The following BMERB1 variants were observed in gnomAD, a reference collection of about 807,000 sequenced individuals.
The protein encoded by BMERB1 is bMERB domain containing 1.
BMERB1 carries 12 observed loss-of-function variants against 23.6 expected under a neutral mutation model. The observed-to-expected ratio is 0.51, with a 90% CI of 0.33 to 0.82. BMERB1 has a LOEUF of 0.82. Among genes scored for constraint, BMERB1 ranks in the 40% least tolerant of loss-of-function variants. The pLI, the probability that BMERB1 is intolerant of heterozygous loss-of-function variation, is 0.03. For synonymous variants in BMERB1, 122 were observed against 96.6 expected, an observed-to-expected ratio of 1.26 and a Z score of -1.54; for missense variants, 247 against 255.4, an observed-to-expected ratio of 0.97 and a Z score of 0.22.
chr16:15,527,330 C>T (rs1236928596), intron 2 of BMERB1, among the ~76,000 whole-genome samples: 20 of 152,216 alleles, frequency 1.3e-4, no homozygotes, highest in Admixed American at 1.0e-3. Context: ...TCAGGCCAGG[C>T]GCTGTGGCTC....
intron 1 of BMERB1, among the ~76,000 whole-genome samples, chr16:15,480,606 CTTTTTTTT>C (rs1159247360): frequency 3.4e-5 from 2 of 58,962 alleles, no homozygotes; most frequent in African/African-American, 6.6e-5. Context: ...ATTCCACTGT[CTTTTTTTT>C]TTTTTTTTTT....
intron 1 of BMERB1, among the ~76,000 whole-genome samples, chr16:15,446,260 A>G (rs1191132220): frequency 6.6e-6 from 1 of 151,986 alleles, no homozygotes; most frequent in African/African-American, 2.4e-5. Context: ...GCTGAGTGTG[A>G]TGATGTGCAC....
intron 1 of BMERB1, among the ~76,000 whole-genome samples, chr16:15,508,218 C>T (rs111563761): frequency 2.0e-5 from 3 of 152,158 alleles, no homozygotes; most frequent in African/African-American, 4.8e-5. Flanking sequence ...GATAAATGCT[C>T]GATAAATGTT....
intron 1 of BMERB1, chr16:15,502,492 G>C: frequency 1.1e-6 from 1 of 908,218 alleles, no homozygotes; most frequent in East Asian, 2.6e-5. Context: ...GGGAAACGGT[G>C]ACTCATTAAA....
Position 15,502,415 on chromosome 16 carries a change from C to T in BMERB1, c.107-12890C>T, listed in dbSNP as rs538856868. 7.4e-6 allele frequency: 11 copies of T among 1,489,930 alleles called. No homozygotes were observed. The Admixed American group carries it at 9.8e-5, about 13-fold the overall frequency. The allele number at this position is 1,489,930 out of a possible 1,614,324, so 92.3% of individuals were successfully genotyped here. On this transcript the variant is annotated intron_variant, in intron 1 of 5. Coordinates refer to ENST00000300006, the MANE Select transcript of BMERB1 (RefSeq NM_033201.3). ...TGGGGGCCCAGTGGCATCCTCTCCA[C>T]GAGGCAGGCTGGGAGAAATCGAGCA...
chr16:15,536,113 A>G (rs992738279), intron 2 of BMERB1, among the ~76,000 whole-genome samples: 2 of 152,208 alleles, frequency 1.3e-5, no homozygotes, highest in Non-Finnish European at 2.9e-5. Flanking sequence ...AAAAGTAGGC[A>G]GAAGAGGATG....
At chr16:15,582,164 C>G (rs1567507748) in intron 4 of BMERB1, among the ~76,000 whole-genome samples, 2 of 152,150 alleles carry the variant, frequency 1.3e-5, no homozygotes, top group African/African-American at 4.8e-5. Context: ...TCTGGGAGGC[C>G]AAGGTGGGTG....
At chr16:15,515,618 C>T (rs79644764) in intron 2 of BMERB1, among the ~76,000 whole-genome samples, 190 bp downstream of exon 2, 2,695 of 152,290 alleles carry the variant, frequency 0.018, 83 homozygotes, top group African/African-American at 0.062. Context: ...AAGCAAGACC[C>T]TGAAGTTGGA....
At chr16:15,536,312 C>G (rs1300452) in intron 2 of BMERB1, among the ~76,000 whole-genome samples, 2,739 of 152,186 alleles carry the variant, frequency 0.018, 46 homozygotes, top group Non-Finnish European at 0.032. Flanking sequence ...AGCCCCCCCG[C>G]CTCTGGATGC....
At chr16:15,537,766 T>G (rs2052039136) in intron 2 of BMERB1, among the ~76,000 whole-genome samples, 1 of 152,064 alleles carries the variant, frequency 6.6e-6, no homozygotes, top group Non-Finnish European at 1.5e-5. Context: ...CCAGTGATCT[T>G]CCTGCCTCAG....
intron 1 of BMERB1, among the ~76,000 whole-genome samples, chr16:15,474,744 A>G (rs1598459299): frequency 6.6e-6 from 1 of 151,988 alleles, no homozygotes; most frequent in Admixed American, 6.6e-5. Context: ...GCTGGAGTGC[A>G]ATGGTATGAT....
chr16:15,504,949 C>G (rs569892567), intron 1 of BMERB1, among the ~76,000 whole-genome samples: 1 of 152,108 alleles, frequency 6.6e-6, no homozygotes, highest in South Asian at 2.1e-4. Context: ...GCACCCCCAC[C>G]CCCAGCCCTT....
At chr16:15,579,047 T>G (rs1041502517) in intron 3 of BMERB1, among the ~76,000 whole-genome samples, 1 of 152,060 alleles carries the variant, frequency 6.6e-6, no homozygotes, top group Non-Finnish European at 1.5e-5. Flanking sequence ...AATGCCTCTA[T>G]TGGTGAGTGA....
At chr16:15,550,530 G>A (rs887898370) in intron 2 of BMERB1, among the ~76,000 whole-genome samples, 1 of 150,400 alleles carries the variant, frequency 6.6e-6, no homozygotes, top group African/African-American at 2.5e-5. Flanking sequence ...TAGAGACGGG[G>A]TTTCACCGTA....
At chr16:15,522,420 T>C (rs925769739) in intron 2 of BMERB1, among the ~76,000 whole-genome samples, 11 of 148,506 alleles carry the variant, frequency 7.4e-5, no homozygotes, top group Non-Finnish European at 1.6e-4. Context: ...GTGCATGCAT[T>C]GTGTTGAAAA....
chr16:15,534,865 C>G (rs1300881934), intron 2 of BMERB1, among the ~76,000 whole-genome samples: 1 of 152,208 alleles, frequency 6.6e-6, no homozygotes. Context: ...TGAGCTCTTG[C>G]AAGTACCACC....
intron 1 of BMERB1, among the ~76,000 whole-genome samples, chr16:15,502,908 T>A (rs972401201): frequency 4.6e-5 from 7 of 152,116 alleles, no homozygotes; most frequent in Non-Finnish European, 8.8e-5. Flanking sequence ...GGCTCCAATT[T>A]TATTTTCTCC....
intron 3 of BMERB1, among the ~76,000 whole-genome samples, chr16:15,577,816 A>C (rs2030908189): frequency 6.6e-6 from 1 of 152,174 alleles, no homozygotes; most frequent in Non-Finnish European, 1.5e-5. Context: ...TTTTTCCCTC[A>C]CCAGTTGAGT....
chr16:15,466,759 T>C (rs1266594267), intron 1 of BMERB1, among the ~76,000 whole-genome samples: 1 of 152,138 alleles, frequency 6.6e-6, no homozygotes, highest in Non-Finnish European at 1.5e-5. Context: ...TATACAATTT[T>C]ATCATATATT....
Sources: allele counts gnomAD v4.1 joint callset (sites outside exome capture counted in the v4.1 genomes callset), GRCh38; gene constraint gnomAD v4.1.1; transcripts MANE v1.5; gene names NCBI Gene and HGNC (gene_info 2026-07-23, HGNC 2026-07-21).